Variants in BTBD9 observed in about 807,000 individuals in gnomAD.
BTBD9 encodes BTB/POZ domain-containing protein 9.
BTBD9 carries 49 observed loss-of-function variants against 64.3 expected under a neutral mutation model. The ratio of observed to expected loss-of-function variants is 0.76; its 90% CI spans 0.61 to 0.97. BTBD9 has a LOEUF of 0.97. Ranked by LOEUF, BTBD9 falls within the 50% of genes least tolerant of loss-of-function variation. The probability of loss-of-function intolerance (pLI) is 0.00; values close to 1 mark genes in which losing one functional copy is unlikely to be tolerated. For missense variants in BTBD9, 598 were observed against 762.1 expected, an observed-to-expected ratio of 0.78 and a Z score of 2.53; for synonymous variants, 260 against 274.7, an observed-to-expected ratio of 0.95 and a Z score of 0.53.
Position 38,333,073 on chromosome 6 carries a change from T to C in BTBD9, c.1264+11911A>G, listed in dbSNP as rs76913581. Among the ~76,000 whole-genome samples, 1,063 of 152,300 alleles carry C rather than the reference T, an allele frequency of 7.0e-3. 10 individuals are homozygous for C. Among genetic ancestry groups the C allele is most frequent in the African/African-American group, 0.025 (1,022 of 41,566 alleles). On this transcript the variant is annotated intron_variant, in intron 7 of 10. Coordinates refer to ENST00000481247, the MANE Select transcript of BTBD9 (RefSeq NM_001099272.2). ...GTCAGGGGTGGATGGTTCTTGGTAA[T>C]ATGGCTAGTGATGGAGTAGAAAGAA... is the stretch of plus-strand genomic sequence containing the variant.
intron 6 of BTBD9, among the ~76,000 whole-genome samples, chr6:38,377,298 G>A (rs1256962030): frequency 6.6e-6 from 1 of 152,148 alleles, no homozygotes; most frequent in African/African-American, 2.4e-5. Context: ...TCACAGCAAG[G>A]AAGCTACTCT....
intron 7 of BTBD9, among the ~76,000 whole-genome samples, chr6:38,328,827 G>T (rs1407723137): frequency 1.3e-5 from 2 of 151,728 alleles, no homozygotes; most frequent in Admixed American, 6.6e-5. Context: ...GGTGCCCAGA[G>T]TCCCAGCTAC....
chr6:38,553,927 T>C (rs1412911312), intron 6 of BTBD9, among the ~76,000 whole-genome samples: 1 of 152,094 alleles, frequency 6.6e-6, no homozygotes, highest in Non-Finnish European at 1.5e-5. Flanking sequence ...TGAATTTCTA[T>C]ATATTTTTTC....
chr6:38,598,596 G>A (rs1229352183), intron 1 of BTBD9, among the ~76,000 whole-genome samples: 2 of 152,038 alleles, frequency 1.3e-5, no homozygotes, highest in Non-Finnish European at 2.9e-5. Flanking sequence ...GTTTTGGTAC[G>A]AAACCATCTC....
intron 1 of BTBD9, among the ~76,000 whole-genome samples, chr6:38,611,137 C>T (rs537508199): frequency 8.0e-4 from 122 of 152,006 alleles, no homozygotes; most frequent in Admixed American, 2.4e-3. Context: ...AATACATATA[C>T]GTATATGTAC....
At chr6:38,367,458 G>A (rs974041468) in intron 6 of BTBD9, among the ~76,000 whole-genome samples, 1 of 152,102 alleles carries the variant, frequency 6.6e-6, no homozygotes, top group Non-Finnish European at 1.5e-5. Context: ...AACTTTTAGG[G>A]GAAGAGAAGC....
chr6:38,200,700 C>G (rs1219019645), intron 9 of BTBD9, among the ~76,000 whole-genome samples: 4 of 152,082 alleles, frequency 2.6e-5, no homozygotes, highest in Admixed American at 1.3e-4. Flanking sequence ...TGCAATCTAT[C>G]AAGATTGAAT....
At chr6:38,576,848 C>T (rs1255654123) in intron 6 of BTBD9, among the ~76,000 whole-genome samples, 1 of 152,148 alleles carries the variant, frequency 6.6e-6, no homozygotes, top group Non-Finnish European at 1.5e-5. Flanking sequence ...ACCACCTAAA[C>T]AAATTCACTA....
At chr6:38,586,941 T>C (rs957385350) in intron 4 of BTBD9, among the ~76,000 whole-genome samples, 1 of 151,732 alleles carries the variant, frequency 6.6e-6, no homozygotes, top group African/African-American at 2.4e-5. Flanking sequence ...TGGGCACCTG[T>C]AATCCCAGCT....
At chr6:38,494,200 T>C (rs1358117608) in intron 6 of BTBD9, among the ~76,000 whole-genome samples, 1 of 152,204 alleles carries the variant, frequency 6.6e-6, no homozygotes, top group African/African-American at 2.4e-5. Flanking sequence ...TCTTTTCATG[T>C]TGAATGGTGT....
chr6:38,632,530 G>C (rs925387093), intron 1 of BTBD9, among the ~76,000 whole-genome samples: 1 of 152,134 alleles, frequency 6.6e-6, no homozygotes, highest in South Asian at 2.1e-4. Context: ...AAGTTTTAAG[G>C]GATTTTTTAA....
At chr6:38,437,917 A>T (rs1768812104) in intron 6 of BTBD9, among the ~76,000 whole-genome samples, 1 of 152,110 alleles carries the variant, frequency 6.6e-6, no homozygotes, top group Admixed American at 6.6e-5. Context: ...ACCTATGTTG[A>T]AAGGTGACAT....
At chr6:38,630,100 T>C (rs892249480) in intron 1 of BTBD9, among the ~76,000 whole-genome samples, 8 of 146,504 alleles carry the variant, frequency 5.5e-5, no homozygotes, top group African/African-American at 1.8e-4. Context: ...CCCAGCTACT[T>C]GGGAGGCTGA....
chr6:38,467,265 C>T (rs537801605), intron 6 of BTBD9, among the ~76,000 whole-genome samples: 4 of 152,084 alleles, frequency 2.6e-5, no homozygotes, highest in South Asian at 2.1e-4. Context: ...TTTCAGAAAC[C>T]GTCAGACGCT....
At chr6:38,629,160 G>A (rs536828226) in intron 1 of BTBD9, among the ~76,000 whole-genome samples, 1 of 152,058 alleles carries the variant, frequency 6.6e-6, no homozygotes, top group Non-Finnish European at 1.5e-5. Context: ...AATGTAAAAG[G>A]AGTGATGGAA....
In BTBD9 at chr6:38,374,307, G is replaced by GTATATATATATATGTGTA. The variant is rs1582317684; in HGVS notation, c.1155-29215_1155-29214insTACACATATATATATATA. ...AGTATATATATATATGTATATATAT[G>GTATATATATATATGTGTA]TATATATATATATATATATGTATAT... is the stretch of plus-strand genomic sequence containing the variant. On this transcript the variant is annotated intron_variant, in intron 6 of 10. Transcript: ENST00000481247. 5.1e-5 allele frequency among the ~76,000 whole-genome samples: 3 copies of GTATATATATATATGTGTA among 59,094 alleles called. 1 individual carries two copies. Among genetic ancestry groups the GTATATATATATATGTGTA allele is most frequent in the South Asian group, 6.4e-4 (1 of 1,568 alleles). 38.8% of individuals were successfully genotyped at this position (59,094 alleles called of 152,430 possible). A position where few individuals can be genotyped will look rare whatever the true frequency, so the allele number is the denominator to read the frequency against.
At chr6:38,444,689 C>T (rs1381703272) in intron 6 of BTBD9, among the ~76,000 whole-genome samples, 1 of 152,088 alleles carries the variant, frequency 6.6e-6, no homozygotes, top group African/African-American at 2.4e-5. Context: ...TTTCATAGGG[C>T]TGCTATGAGG....
At chr6:38,374,315 A>ATATG (rs59951852) in intron 6 of BTBD9, among the ~76,000 whole-genome samples, 4 of 115,600 alleles carry the variant, frequency 3.5e-5, no homozygotes, top group African/African-American at 7.0e-5. Context: ...ATGTATATAT[A>ATATG]TATATATATA....
chr6:38,355,941 T>C (rs1052728780), intron 6 of BTBD9, among the ~76,000 whole-genome samples: 4 of 152,190 alleles, frequency 2.6e-5, no homozygotes, highest in African/African-American at 9.6e-5. Flanking sequence ...CACCTTCGTA[T>C]ATGATTGGTT....
Sources: gnomAD v4.1 joint callset for allele counts (sites outside exome capture counted in the v4.1 genomes callset) on GRCh38, gnomAD v4.1.1 for gene constraint, MANE v1.5 for transcripts, NCBI Gene and HGNC (gene_info 2026-07-23, HGNC 2026-07-21) for gene names.